The following GYPC variants were observed in gnomAD, a reference collection of about 807,000 sequenced individuals.
The protein encoded by GYPC is glycophorin C (Gerbich blood group), also known as glycophorin-C.
GYPC carries 14 observed loss-of-function variants against 12.6 expected under a neutral mutation model. The ratio of observed to expected loss-of-function variants is 1.11; its 90% confidence interval spans 0.74 to 1.74. The LOEUF (loss-of-function observed/expected upper bound fraction) is 1.74, where lower values mean the gene tolerates loss of function less well. Among genes scored for constraint, GYPC ranks in the 40% most tolerant of loss-of-function variants. The pLI is 0.00. For synonymous variants in GYPC, 78 were observed against 62.1 expected, an observed-to-expected ratio of 1.26 and a Z score of -1.20; for missense variants, 225 against 172.1, an observed-to-expected ratio of 1.31 and a Z score of -1.72.
rs543845050 is a variant in GYPC at position 126,676,113 on chromosome 2, C to T, written c.50-14142C>T. On this transcript the variant is annotated intron_variant, in intron 1 of 3. Transcript: ENST00000259254. Reference sequence around the variant, plus strand: ...AATCCTGATTGAAGAAACAGATCCACCCCTGTAACTGCCTCATGTCTTTTT... The same window carrying T: ...AATCCTGATTGAAGAAACAGATCCATCCCTGTAACTGCCTCATGTCTTTTT... Among the ~76,000 whole-genome samples, 11 of 152,360 alleles carry T rather than the reference C, an allele frequency of 7.2e-5. 1 individual carries two copies. In the South Asian group the frequency reaches 2.3e-3, roughly 32 times the overall value.
chr2:126,679,009 AATC>A (rs1683088328), intron 1 of GYPC: 1 of 152,224 alleles, frequency 6.6e-6, no homozygotes, highest in Non-Finnish European at 1.5e-5. Flanking sequence ...TACCTAACTA[AATC>A]ATCATTATTT....
intron 1 of GYPC, among the ~76,000 whole-genome samples, chr2:126,679,339 A>G (rs1683095570): frequency 6.6e-6 from 1 of 152,236 alleles, no homozygotes; most frequent in Admixed American, 6.5e-5. Flanking sequence ...CAGGAACTTG[A>G]TAAATGACAG....
At chr2:126,694,049 G>A (rs1427019490) in intron 3 of GYPC, 102 bp downstream of exon 3, 59 of 825,282 alleles carry the variant, frequency 7.1e-5, no homozygotes, top group South Asian at 5.4e-4. Context: ...TGGTGGCTGT[G>A]GCCATTTTTT....
intron 1 of GYPC, among the ~76,000 whole-genome samples, chr2:126,662,075 C>G (rs775803148): frequency 2.6e-5 from 4 of 152,256 alleles, no homozygotes; most frequent in Non-Finnish European, 5.9e-5. Flanking sequence ...GGGTCTCCAG[C>G]TGACCCAGCC....
chr2:126,684,597 C>A (rs981999645), intron 1 of GYPC, among the ~76,000 whole-genome samples: 8 of 152,216 alleles, frequency 5.3e-5, no homozygotes, highest in African/African-American at 1.9e-4. Flanking sequence ...CAACAGAGAG[C>A]AACCTTTTCC....
At chr2:126,689,913 C>G (rs1302906855) in intron 1 of GYPC, among the ~76,000 whole-genome samples, 16 of 152,214 alleles carry the variant, frequency 1.1e-4, no homozygotes, top group Non-Finnish European at 1.5e-5. Context: ...TTAAACACAA[C>G]AAGAGTCCCT....
At chr2:126,670,257 C>G (rs1176474968) in intron 1 of GYPC, among the ~76,000 whole-genome samples, 2 of 152,256 alleles carry the variant, frequency 1.3e-5, no homozygotes, top group Non-Finnish European at 2.9e-5. Context: ...TTAGCCAGGA[C>G]TCACTTGCTG....
intron 1 of GYPC, among the ~76,000 whole-genome samples, chr2:126,667,611 C>T (rs942720280): frequency 6.6e-6 from 1 of 152,024 alleles, no homozygotes; most frequent in East Asian, 1.9e-4. Context: ...CCATGTTGGT[C>T]AGGCTGGTCT....
At chr2:126,681,791 A>AG (rs968842961) in intron 1 of GYPC, among the ~76,000 whole-genome samples, 4 of 109,888 alleles carry the variant, frequency 3.6e-5, no homozygotes, top group Non-Finnish European at 8.3e-5. Flanking sequence ...AAAAAAAAAA[A>AG]AAAGAAAGAA....
At chr2:126,694,852 C>A (rs1468556117) in intron 3 of GYPC, among the ~76,000 whole-genome samples, 8 of 151,158 alleles carry the variant, frequency 5.3e-5, no homozygotes, top group Non-Finnish European at 8.8e-5. Context: ...ACTCAAAACA[C>A]CCCCACCCCA....
chr2:126,681,761 A>G (rs1683154239), intron 1 of GYPC, among the ~76,000 whole-genome samples: 1 of 146,552 alleles, frequency 6.8e-6, no homozygotes, highest in South Asian at 2.2e-4. Flanking sequence ...CCTGGGCAAC[A>G]GAGCAAAAAC....
At chr2:126,679,396 T>G (rs1683096620) in intron 1 of GYPC, among the ~76,000 whole-genome samples, 1 of 152,206 alleles carries the variant, frequency 6.6e-6, no homozygotes, top group South Asian at 2.1e-4. Context: ...GAGTGACTAT[T>G]GAGCGACTTA....
intron 1 of GYPC, among the ~76,000 whole-genome samples, chr2:126,674,483 C>A (rs565804333): frequency 1.2e-4 from 19 of 152,150 alleles, no homozygotes; most frequent in African/African-American, 4.6e-4. Flanking sequence ...TCGGCAAGGC[C>A]GCGGGTGGAG....
chr2:126,671,349 C>T (rs2104781073), intron 1 of GYPC, among the ~76,000 whole-genome samples: 1 of 152,344 alleles, frequency 6.6e-6, no homozygotes, highest in South Asian at 2.1e-4. Context: ...GCATGCGAGG[C>T]AGGCTTCCCT....
At chr2:126,678,326 A>G (rs1258539539) in intron 1 of GYPC, 2 of 152,232 alleles carry the variant, frequency 1.3e-5, no homozygotes, top group Non-Finnish European at 2.9e-5. Context: ...TCTGACATAA[A>G]AGACAGATCA....
chr2:126,686,058 A>T (rs1011754535), intron 1 of GYPC: 41 of 984,906 alleles, frequency 4.2e-5, no homozygotes, highest in Non-Finnish European at 4.9e-5. Flanking sequence ...CCTATGGCAG[A>T]GGGGAGCCAT....
At chr2:126,672,793 A>C (rs1682886600) in intron 1 of GYPC, among the ~76,000 whole-genome samples, 3 of 151,974 alleles carry the variant, frequency 2.0e-5, no homozygotes, top group Non-Finnish European at 4.4e-5. Context: ...CTGCCACCTA[A>C]CCTGGGGGAG....
At chr2:126,685,983 C>T (rs1683278470) in intron 1 of GYPC, 1 of 985,304 alleles carries the variant, frequency 1.0e-6, no homozygotes, top group African/African-American at 1.7e-5. Context: ...TGCCTGAATT[C>T]TTCCTTCTTT....
intron 1 of GYPC, among the ~76,000 whole-genome samples, chr2:126,688,746 C>A (rs1300172427): frequency 6.6e-6 from 1 of 152,102 alleles, no homozygotes; most frequent in Admixed American, 6.5e-5. Flanking sequence ...AGCTGGGAGT[C>A]TGTTTTCCCC....
Sources: allele counts gnomAD v4.1 joint callset (sites outside exome capture counted in the v4.1 genomes callset), GRCh38; gene constraint gnomAD v4.1.1; transcripts MANE v1.5; gene names NCBI Gene and HGNC (gene_info 2026-07-23, HGNC 2026-07-21).